The following CDYL variants were observed in gnomAD, a reference collection of about 807,000 sequenced individuals.
CDYL encodes the protein chromodomain Y like.
In CDYL, 8 loss-of-function variants were observed where a neutral mutation model predicts 47.3. The ratio of observed to expected loss-of-function variants is 0.17; its 90% CI spans 0.10 to 0.31. CDYL has a LOEUF of 0.31. CDYL is among the 10% of genes least tolerant of loss of function. CDYL has a pLI of 1.00. For missense variants in CDYL, 471 were observed against 701.4 expected, an observed-to-expected ratio of 0.67 and a Z score of 3.71; for synonymous variants, 266 against 265.0, an observed-to-expected ratio of 1.00 and a Z score of -0.04.
intron 1 of CDYL, among the ~76,000 whole-genome samples, chr6:4,798,455 A>T (rs759232804): frequency 2.0e-4 from 30 of 152,184 alleles, no homozygotes; most frequent in Admixed American, 8.5e-4. Context: ...TTTCTAAGTT[A>T]TCTGAGTTTC....
At chr6:4,901,639 C>G (rs995451811) in intron 2 of CDYL, among the ~76,000 whole-genome samples, 8 of 152,182 alleles carry the variant, frequency 5.3e-5, no homozygotes, top group African/African-American at 1.9e-4. Context: ...CTACTCCTGA[C>G]TTCCATTTAG....
At chr6:4,756,541 C>A (rs563954908) in intron 3 of CDYL, among the ~76,000 whole-genome samples, 2 of 151,038 alleles carry the variant, frequency 1.3e-5, no homozygotes, top group South Asian at 4.2e-4. Context: ...GCATATGTTG[C>A]CCTGTGTAGT....
At chr6:4,743,758 A>G (rs1035098550) in intron 3 of CDYL, among the ~76,000 whole-genome samples, 1 of 152,246 alleles carries the variant, frequency 6.6e-6, no homozygotes, top group African/African-American at 2.4e-5. Context: ...TTAGTTGCAT[A>G]AAACAGGAAA....
At chr6:4,709,134 C>T (rs527659100) in intron 1 of CDYL, among the ~76,000 whole-genome samples, 1 of 152,136 alleles carries the variant, frequency 6.6e-6, no homozygotes, top group Non-Finnish European at 1.5e-5. Flanking sequence ...TTCCATACAC[C>T]TCATGCTTCT....
At chr6:4,714,725 A>C (rs928744798) in intron 1 of CDYL, 1 of 152,222 alleles carries the variant, frequency 6.6e-6, no homozygotes, top group Non-Finnish European at 1.5e-5. Context: ...TATGGAGCCC[A>C]GTGTGGATGC....
chr6:4,759,920 A>T (rs200117397), intron 3 of CDYL, among the ~76,000 whole-genome samples: 5 of 123,242 alleles, frequency 4.1e-5, no homozygotes, highest in African/African-American at 1.4e-4. Flanking sequence ...AAAAAAAAAA[A>T]AAAAAGAAGA....
chr6:4,712,452 C>T (rs1056882676), intron 1 of CDYL, among the ~76,000 whole-genome samples: 8 of 152,172 alleles, frequency 5.3e-5, no homozygotes, highest in African/African-American at 1.9e-4. Context: ...GCTGGGCCCA[C>T]ACAGGTGGCC....
chr6:4,714,349 T>C (rs535531347), intron 1 of CDYL: 2 of 152,078 alleles, frequency 1.3e-5, no homozygotes, highest in East Asian at 1.9e-4. Context: ...CACCACTTAT[T>C]ACTTAGGAGA....
At chr6:4,740,109 C>T (rs1189267056) in intron 3 of CDYL, among the ~76,000 whole-genome samples, 1 of 152,144 alleles carries the variant, frequency 6.6e-6, no homozygotes, top group Non-Finnish European at 1.5e-5. Flanking sequence ...AGGAGAGTGT[C>T]TGACTTTTAT....
upstream of CDYL, chr6:4,773,266 AGTCATAT>A (rs1396850110): frequency 2.2e-6 from 1 of 455,048 alleles, no homozygotes; most frequent in Non-Finnish European, 4.4e-6. The surrounding 1 kb of genome is among the most constrained non-coding windows in gnomAD (Gnocchi z 4.6). Context: ...ATCTTTTAAG[AGTCATAT>A]GTCTTACTAG....
chr6:4,798,995 T>C (rs1435189022), intron 1 of CDYL, among the ~76,000 whole-genome samples: 3 of 152,240 alleles, frequency 2.0e-5, no homozygotes, highest in Non-Finnish European at 4.4e-5. Context: ...TTTAATTTGC[T>C]TTTTCTGTTT....
At chr6:4,773,408 T>TTCATTTCTTTTATTTCATA (rs2127426234), upstream of CDYL, among the ~76,000 whole-genome samples, 2 of 152,308 alleles carry the variant, frequency 1.3e-5, no homozygotes, top group East Asian at 3.9e-4. The surrounding 1 kb of genome is among the most constrained non-coding windows in gnomAD (Gnocchi z 4.6). Context: ...TCATGGAAAC[T>TTCATTTCTTTTATTTCATA]ACAGAACTTC....
chr6:4,899,272 G>T (rs1333224755), intron 2 of CDYL, among the ~76,000 whole-genome samples: 1 of 152,136 alleles, frequency 6.6e-6, no homozygotes, highest in Non-Finnish European at 1.5e-5. Flanking sequence ...TTGTGGCTGG[G>T]GCCTGTGAAT....
intron 1 of CDYL, among the ~76,000 whole-genome samples, chr6:4,831,574 T>C (rs1307521540): frequency 6.6e-6 from 1 of 152,104 alleles, no homozygotes; most frequent in African/African-American, 2.4e-5. Flanking sequence ...TCTTTTTTGG[T>C]TCCATATGAA....
At chr6:4,894,542 A>G (rs1043398148) in intron 2 of CDYL, among the ~76,000 whole-genome samples, 1 of 152,198 alleles carries the variant, frequency 6.6e-6, no homozygotes, top group African/African-American at 2.4e-5. Context: ...GTTTTCTTGG[A>G]ACACAGCTAA....
chr6:4,832,615 CT>C (rs1312968335), intron 1 of CDYL, among the ~76,000 whole-genome samples: 1 of 151,322 alleles, frequency 6.6e-6, no homozygotes, highest in African/African-American at 2.4e-5. Context: ...AGGATTCCCT[CT>C]TTTTCTACTG....
At chr6:4,797,424 TTTC>T (rs1249469706) in intron 1 of CDYL, among the ~76,000 whole-genome samples, 12 of 149,720 alleles carry the variant, frequency 8.0e-5, no homozygotes, top group African/African-American at 2.8e-4. Context: ...TTTCTTTTCA[TTTC>T]TTTTTTTTTT....
At chr6:4,867,242 G>GT (rs1362159692) in intron 1 of CDYL, among the ~76,000 whole-genome samples, 1 of 151,894 alleles carries the variant, frequency 6.6e-6, no homozygotes, top group Non-Finnish European at 1.5e-5. Context: ...GTTCTCAAAA[G>GT]TTTTTTTAAA....
intron 2 of CDYL, among the ~76,000 whole-genome samples, chr6:4,716,883 G>A (rs1237295936): frequency 6.6e-6 from 1 of 152,126 alleles, no homozygotes; most frequent in African/African-American, 2.4e-5. Context: ...AAAAAGACAG[G>A]AGCTCAAATT....
Sources: allele counts gnomAD v4.1 joint callset (sites outside exome capture counted in the v4.1 genomes callset), GRCh38; gene constraint gnomAD v4.1.1; non-coding constraint Gnocchi (gnomAD v3.1); transcripts MANE v1.5; gene names NCBI Gene and HGNC (gene_info 2026-07-23, HGNC 2026-07-21).